LUZP2: variants seen among roughly 807,000 people sequenced by gnomAD.
LUZP2 encodes the protein leucine zipper protein 2.
LUZP2 carries 52 observed loss-of-function variants against 51.6 expected under a neutral mutation model. The observed-to-expected ratio is 1.01, with a 90% confidence interval of 0.81 to 1.27. The LOEUF is 1.27. Ranked by LOEUF, LUZP2 falls within the 50% of genes most tolerant of loss-of-function variation. The pLI is 0.00. For synonymous variants in LUZP2, 154 were observed against 137.3 expected (o/e 1.12, Z -0.85); for missense variants, 436 against 395.4 (o/e 1.10, Z -0.87).
intron 9 of LUZP2, among the ~76,000 whole-genome samples, chr11:25,046,385 G>C (rs1412395124): frequency 2.0e-5 from 3 of 152,014 alleles, no homozygotes; most frequent in African/African-American, 7.2e-5. Context: ...ATAAATATTT[G>C]TTTATTCATA....
chr11:24,558,109 C>A (rs1851926327), intron 1 of LUZP2, among the ~76,000 whole-genome samples: 1 of 152,154 alleles, frequency 6.6e-6, no homozygotes, highest in South Asian at 2.1e-4. Flanking sequence ...TCTTCTGGAA[C>A]AGGACCATCC....
At chr11:24,836,548 A>G (rs181728056) in intron 5 of LUZP2, among the ~76,000 whole-genome samples, 106 of 151,974 alleles carry the variant, frequency 7.0e-4, no homozygotes, top group African/African-American at 2.4e-3. Flanking sequence ...ATCATGTGCC[A>G]TTTGATAGCA....
chr11:24,835,106 C>T (rs942065849), intron 5 of LUZP2, among the ~76,000 whole-genome samples: 6 of 152,058 alleles, frequency 3.9e-5, no homozygotes, highest in African/African-American at 1.4e-4. Context: ...GGTACCAAAA[C>T]AGATATATAG....
chr11:24,973,062 T>TTTG (rs1274212385), intron 7 of LUZP2, among the ~76,000 whole-genome samples: 1 of 150,268 alleles, frequency 6.7e-6, no homozygotes, highest in South Asian at 2.1e-4. Context: ...TCCTGGGTTT[T>TTTG]TTTTTTTTTT....
chr11:25,016,492 T>G (rs1486687973), intron 9 of LUZP2, among the ~76,000 whole-genome samples: 5 of 152,066 alleles, frequency 3.3e-5, no homozygotes, highest in Non-Finnish European at 5.9e-5. Flanking sequence ...TTCCATTCTT[T>G]TTAAGGCTGC....
At chr11:24,943,605 TG>T (rs1240130459) in intron 7 of LUZP2, among the ~76,000 whole-genome samples, 1 of 152,140 alleles carries the variant, frequency 6.6e-6, no homozygotes. Flanking sequence ...TGGCTGGTCA[TG>T]GTGGCTCATG....
chr11:24,680,050 G>C (rs1856682723), intron 1 of LUZP2, among the ~76,000 whole-genome samples: 1 of 152,166 alleles, frequency 6.6e-6, no homozygotes, highest in Non-Finnish European at 1.5e-5. Context: ...TTTACAAACA[G>C]TAGGTGATCA....
chr11:25,074,839 C>T (rs568473418), intron 10 of LUZP2, among the ~76,000 whole-genome samples: 1 of 152,084 alleles, frequency 6.6e-6, no homozygotes, highest in African/African-American at 2.4e-5. Context: ...TCAGATCATT[C>T]AAGATCAAAA....
At chr11:24,722,100 G>A (rs1858293848) in intron 1 of LUZP2, among the ~76,000 whole-genome samples, 1 of 152,158 alleles carries the variant, frequency 6.6e-6, no homozygotes, top group Admixed American at 6.6e-5. Flanking sequence ...GGTCTAAAAT[G>A]TGAAAAGTGA....
At chr11:24,995,620 A>AG (rs1856469845) in intron 9 of LUZP2, among the ~76,000 whole-genome samples, 1 of 151,752 alleles carries the variant, frequency 6.6e-6, no homozygotes, top group Non-Finnish European at 1.5e-5. Flanking sequence ...TTTTAAATTT[A>AG]GTAGATTAAA....
intron 3 of LUZP2, among the ~76,000 whole-genome samples, chr11:24,733,391 T>C (rs1312073362): frequency 6.6e-6 from 1 of 151,780 alleles, no homozygotes; most frequent in Non-Finnish European, 1.5e-5. Flanking sequence ...GAAGTAGTGA[T>C]AGAGGACATA....
At chr11:24,632,379 C>T (rs534429272) in intron 1 of LUZP2, among the ~76,000 whole-genome samples, 1 of 151,960 alleles carries the variant, frequency 6.6e-6, no homozygotes, top group South Asian at 2.1e-4. Flanking sequence ...GCAAATGTCA[C>T]CTAGAAAATT....
chr11:24,759,740 T>C (rs991947018), intron 4 of LUZP2, among the ~76,000 whole-genome samples: 5 of 152,164 alleles, frequency 3.3e-5, no homozygotes, highest in Non-Finnish European at 2.9e-5. Flanking sequence ...GAAAAGAATG[T>C]AAAAGCTGTT....
At chr11:24,858,947 G>C (rs1376533826) in intron 5 of LUZP2, among the ~76,000 whole-genome samples, 2 of 152,068 alleles carry the variant, frequency 1.3e-5, no homozygotes, top group Non-Finnish European at 2.9e-5. Flanking sequence ...CATAACAGCT[G>C]AACTCAATCA....
chr11:24,850,498 G>A (rs1272005741), intron 5 of LUZP2, among the ~76,000 whole-genome samples: 1 of 152,006 alleles, frequency 6.6e-6, no homozygotes, highest in Non-Finnish European at 1.5e-5. Flanking sequence ...TTTGGTCCCA[G>A]TAACATGCTG....
chr11:24,584,606 G>A (rs1452495074), intron 1 of LUZP2, among the ~76,000 whole-genome samples: 2 of 152,046 alleles, frequency 1.3e-5, no homozygotes, highest in Non-Finnish European at 2.9e-5. Flanking sequence ...CCTAAGATAA[G>A]TTACTAAATG....
At chr11:25,014,708 C>T (rs1023048622) in intron 9 of LUZP2, among the ~76,000 whole-genome samples, 7 of 152,150 alleles carry the variant, frequency 4.6e-5, no homozygotes, top group African/African-American at 1.7e-4. Flanking sequence ...GTTACCTGTT[C>T]ACTCTGATGG....
chr11:25,006,663 G>C (rs1357509581), intron 9 of LUZP2, among the ~76,000 whole-genome samples: 1 of 152,148 alleles, frequency 6.6e-6, no homozygotes, highest in Non-Finnish European at 1.5e-5. Flanking sequence ...AGCGAAAGGA[G>C]TCCAATGGCA....
intron 5 of LUZP2, among the ~76,000 whole-genome samples, chr11:24,826,190 A>AAAAAAAAATATATATAT (rs1215786412): frequency 3.0e-4 from 20 of 67,548 alleles, no homozygotes; most frequent in African/African-American, 7.7e-4. Flanking sequence ...AAAAAAAAAA[A>AAAAAAAAATATATATAT]ATATATATAT....
Sources: gnomAD v4.1 joint callset for allele counts (sites outside exome capture counted in the v4.1 genomes callset) on GRCh38, gnomAD v4.1.1 for gene constraint, MANE v1.5 for transcripts, NCBI Gene and HGNC (gene_info 2026-07-23, HGNC 2026-07-21) for gene names.